Variants in KIF25 observed in about 807,000 individuals in gnomAD.
The protein encoded by KIF25 is kinesin-like protein KIF25.
KIF25 carries 19 observed loss-of-function variants against 32.9 expected under a neutral mutation model. The observed-to-expected ratio is 0.58, with a 90% confidence interval of 0.40 to 0.85. KIF25 has a LOEUF of 0.85. Ranked by LOEUF, KIF25 falls within the 40% of genes least tolerant of loss-of-function variation. The pLI is 0.00. For synonymous variants in KIF25, 225 were observed against 213.7 expected, an observed-to-expected ratio of 1.05 and a Z score of -0.46; for missense variants, 485 against 507.0, an observed-to-expected ratio of 0.96 and a Z score of 0.42.
In KIF25 at chr6:168,020,431, A is replaced by G. The variant is rs191289517; in HGVS notation, c.-95+2391A>G. ...GGAGTGTACAACGGATTCTGTCCTG[A>G]AGGACATGTGGGCATATGCAAAAGA... On this transcript the variant is annotated intron_variant, in intron 5 of 12. Transcript: ENST00000643607. 3.3e-5 allele frequency among the ~76,000 whole-genome samples: 5 copies of G among 152,314 alleles called. No homozygotes were observed. The East Asian group carries it at 9.6e-4, about 29-fold the overall frequency.
At chr6:168,023,013 G>A (rs1053663785) in intron 5 of KIF25, among the ~76,000 whole-genome samples, 16 of 152,210 alleles carry the variant, frequency 1.1e-4, no homozygotes, top group Admixed American at 6.5e-5. Context: ...TCTCAGGCAC[G>A]TGGAATACTT....
rs139099383 is a variant in KIF25, at chr6:167,997,840, G to A, written c.-1629G>A. On this transcript the variant is annotated 5_prime_UTR_variant, in exon 1 of 13. Transcript: ENST00000643607. ...TGGTTGCACTTTGGCCAGTTTCTCC[G>A]AATTCCACCTGCCCGAGGCCCACGA... Among the ~76,000 whole-genome samples the A allele has an allele frequency of 2.6e-5, 4 of 152,086 alleles. No individual in the cohort carries two copies. Among genetic ancestry groups the A allele is most frequent in the African/African-American group, 9.7e-5 (4 of 41,388 alleles).
At position 168,044,898 on chromosome 6, in the gene KIF25, G is replaced by A. The variant is rs1279441962; in HGVS notation, c.1057G>A (p.Gly353Ser). 1 of 1,613,174 alleles carries A rather than the reference G, an allele frequency of 6.2e-7. No individual in the cohort carries two copies. Among genetic ancestry groups the A allele is most frequent in the South Asian group, 1.1e-5 (1 of 91,068 alleles). The change falls in exon 13 of 13, where the codon GGC (glycine) becomes AGC (serine). Residue 353 changes from glycine (G) to serine (S), a missense_variant. Physicochemically the swap from Gly to Ser is moderately conservative, Grantham distance 56 (BLOSUM62 0). Transcript: ENST00000643607. Reference protein sequence around the residue: ...SQRHLAQTLQGLGFGIRARQV... With the variant: ...SQRHLAQTLQSLGFGIRARQV... Reference sequence around the variant, plus strand: ...GAGGCACCTGGCACAGACGTTGCAGGGCCTGGGTTTCGGGATCCGAGCTCG... The same window carrying A: ...GAGGCACCTGGCACAGACGTTGCAGAGCCTGGGTTTCGGGATCCGAGCTCG...
Position 168,001,134 on chromosome 6 carries a change from G to A in KIF25, c.-369-1409G>A, listed in dbSNP as rs536099042. On this transcript the variant is annotated intron_variant, in intron 2 of 12. Transcript: ENST00000643607. ...AATTGGGCCTGTCGGATACGTCAGT[G>A]TGGCGCGGGACAGGCCAAGTGGCCC... 2.0e-5 allele frequency among the ~76,000 whole-genome samples: 3 copies of A among 152,372 alleles called. No individual in the cohort carries two copies. In the South Asian group the frequency reaches 6.2e-4, roughly 32 times the overall value.
intron 4 of KIF25, among the ~76,000 whole-genome samples, chr6:168,012,894 G>A (rs1362861707): frequency 1.3e-5 from 2 of 152,108 alleles, no homozygotes; most frequent in African/African-American, 4.8e-5. Context: ...TGCCAGGGGT[G>A]ACCTGTGTGG....
intron 4 of KIF25, among the ~76,000 whole-genome samples, chr6:168,013,411 TG>T (rs1422166970): frequency 6.6e-6 from 1 of 151,956 alleles, no homozygotes; most frequent in Non-Finnish European, 1.5e-5. Context: ...CGTGTAGGCT[TG>T]GAGTCATGAA....
At chr6:167,999,708 C>T (rs1798470911) in intron 2 of KIF25, among the ~76,000 whole-genome samples, 1 of 152,168 alleles carries the variant, frequency 6.6e-6, no homozygotes, top group Non-Finnish European at 1.5e-5. Flanking sequence ...CCAAAGACCA[C>T]CCACTCCGCC....
chr6:168,039,493 C>T (rs1235140821), intron 9 of KIF25, among the ~76,000 whole-genome samples: 1 of 152,236 alleles, frequency 6.6e-6, no homozygotes, highest in Non-Finnish European at 1.5e-5. Context: ...AGTCAGGCTG[C>T]CCATCCTGGG....
chr6:168,035,648 T>C (rs1799013683), intron 8 of KIF25: 2 of 454,332 alleles, frequency 4.4e-6, no homozygotes, highest in African/African-American at 2.0e-5. Context: ...AATGGGCCCA[T>C]CGCATTACTG....
chr6:168,043,416 C>T (rs1799161598), intron 12 of KIF25, among the ~76,000 whole-genome samples: 1 of 152,148 alleles, frequency 6.6e-6, no homozygotes, highest in African/African-American at 2.4e-5. Context: ...TCGGGGGGCT[C>T]CTCCTTCCTG....
At chr6:168,033,658 A>G (rs1798972955) in intron 7 of KIF25, among the ~76,000 whole-genome samples, 1 of 152,222 alleles carries the variant, frequency 6.6e-6, no homozygotes, top group Admixed American at 6.5e-5. Flanking sequence ...TGTGTGTGTC[A>G]GTGCAAATAC....
In KIF25 at chr6:168,035,801, C is replaced by G. The variant is rs139385420; in HGVS notation, c.317+1770C>G. The G allele has an allele frequency of 3.5e-3, 1,579 of 456,136 alleles. 11 individuals carry two copies. Among genetic ancestry groups the G allele is most frequent in the Non-Finnish European group, 5.4e-3 (1,219 of 226,858 alleles). The allele number at this position is 456,136 out of a possible 1,614,324, so 28.3% of individuals were successfully genotyped here. A position where few individuals can be genotyped will look rare whatever the true frequency, so the allele number is the denominator to read the frequency against. ...CAGAGTCTCAGAATCTCTGCTCTTC[C>G]AAGTGAGTGGCCCCGGGCAAGGCCG... is the stretch of plus-strand genomic sequence containing the variant. On this transcript the variant is annotated intron_variant, in intron 8 of 12. Transcript: ENST00000643607.
At chr6:168,021,123 A>G (rs1432781181) in intron 5 of KIF25, among the ~76,000 whole-genome samples, 2 of 152,242 alleles carry the variant, frequency 1.3e-5, no homozygotes, top group African/African-American at 4.8e-5. Context: ...CAACAGACAC[A>G]TCATCAATGG....
At chr6:168,010,983 C>T (rs1174180160) in intron 4 of KIF25, among the ~76,000 whole-genome samples, 1 of 113,166 alleles carries the variant, frequency 8.8e-6, no homozygotes, top group Non-Finnish European at 2.0e-5. Context: ...CCTTCACTTG[C>T]AGACTATACG....
intron 4 of KIF25, among the ~76,000 whole-genome samples, chr6:168,014,784 T>C (rs565952763): frequency 1.9e-4 from 29 of 152,386 alleles, no homozygotes; most frequent in African/African-American, 6.7e-4. Context: ...CTATTTATTT[T>C]CATTTTTCAT....
intron 4 of KIF25, among the ~76,000 whole-genome samples, chr6:168,004,111 G>T (rs117750602): frequency 6.6e-6 from 1 of 152,186 alleles, no homozygotes; most frequent in African/African-American, 2.4e-5. Context: ...CGAAAAGGCC[G>T]AGAAGTCAGA....
intron 2 of KIF25, among the ~76,000 whole-genome samples, chr6:168,000,297 C>A (rs1798481305): frequency 7.6e-6 from 1 of 130,826 alleles, no homozygotes; most frequent in Non-Finnish European, 1.6e-5. Flanking sequence ...CCTCCCCACT[C>A]CCATCCTGAC....
intron 7 of KIF25, among the ~76,000 whole-genome samples, chr6:168,032,692 AAAC>A (rs1471711342): frequency 1.3e-5 from 2 of 152,240 alleles, no homozygotes; most frequent in Admixed American, 6.5e-5. Context: ...CATTTTGTCA[AAAC>A]AACAAGCTTT....
intron 12 of KIF25, 136 bp downstream of exon 12, chr6:168,042,852 G>A: frequency 1.9e-6 from 2 of 1,041,596 alleles, no homozygotes; most frequent in Non-Finnish European, 2.7e-6. Flanking sequence ...GTGGCTAGCT[G>A]GCACTCCCAC....
Sources: gnomAD v4.1 joint callset for allele counts (sites outside exome capture counted in the v4.1 genomes callset) on GRCh38, gnomAD v4.1.1 for gene constraint, MANE v1.5 for transcripts, NCBI Gene and HGNC (gene_info 2026-07-23, HGNC 2026-07-21) for gene names.